The following MNS1 variants were observed in gnomAD, a reference collection of about 807,000 sequenced individuals.
The protein encoded by MNS1 is meiosis-specific nuclear structural protein 1.
A neutral mutation model predicts 72.0 loss-of-function variants in MNS1; 63 were observed. The ratio of observed to expected loss-of-function variants is 0.87; its 90% CI spans 0.71 to 1.08. The LOEUF is 1.08. Ranked by LOEUF, MNS1 falls within the 50% of genes least tolerant of loss-of-function variation. The pLI is 0.00. For missense variants in MNS1, 604 were observed against 562.4 expected (o/e 1.07, Z -0.75); for synonymous variants, 188 against 172.1 (o/e 1.09, Z -0.72).
At chr15:56,447,399 T>C (rs2050914016) in intron 3 of MNS1, 1 of 153,586 alleles carries the variant, frequency 6.5e-6, no homozygotes, top group Non-Finnish European at 1.5e-5. Context: ...AGTACTAATA[T>C]CTTTACATTA....
intron 9 of MNS1, chr15:56,429,736 CAAAATT>C (rs2050517601): frequency 6.6e-6 from 1 of 152,032 alleles, no homozygotes; most frequent in African/African-American, 2.4e-5. Flanking sequence ...CTCTTTAAAA[CAAAATT>C]AAATATTTAC....
At chr15:56,455,769 A>C (rs2050977987) in intron 3 of MNS1, among the ~76,000 whole-genome samples, 1 of 152,126 alleles carries the variant, frequency 6.6e-6, no homozygotes, top group Admixed American at 6.6e-5. Flanking sequence ...GAATACTAAT[A>C]ATTTAAACTG....
At chr15:56,460,009 A>ATACATAT (rs1555449667) in intron 2 of MNS1, among the ~76,000 whole-genome samples, 55 of 26,372 alleles carry the variant, frequency 2.1e-3, no homozygotes, top group East Asian at 0.014. Context: ...AAAAAAAAAA[A>ATACATAT]ATACATATAT....
At chr15:56,431,345 AT>A in intron 9 of MNS1, 27 bp downstream of exon 9, 1 of 1,607,036 alleles carries the variant, frequency 6.2e-7, no homozygotes, top group African/African-American at 1.3e-5. Context: ...GGTCATGAAG[AT>A]TACAACTTGA....
rs2140301516 is a variant in MNS1, at chr15:56,428,785, C to CACAG, written c.*312_*315dup. ...AAATCAAGTAAGTAAAGTTCGTAAA[C>CACAG]ACAGACAGAAGGCAGTTCACTTTGG... On this transcript the variant is annotated 3_prime_UTR_variant, in exon 10 of 10. Transcript: ENST00000260453. The CACAG allele has an allele frequency of 2.8e-6, 1 of 353,552 alleles. No homozygotes were observed. The highest frequency in any genetic ancestry group is 5.1e-5 in the East Asian group (1 of 19,550). The allele number at this position is 353,552 out of a possible 1,614,324, so 21.9% of individuals were successfully genotyped here. A position where few individuals can be genotyped will look rare whatever the true frequency, so the allele number is the denominator to read the frequency against.
chr15:56,446,118 G>A (rs924207342), intron 4 of MNS1: 1 of 151,930 alleles, frequency 6.6e-6, no homozygotes, highest in Non-Finnish European at 1.5e-5. Flanking sequence ...CACTGGTTAA[G>A]TATTTTGATA....
At position 56,428,793 on chromosome 15, in the gene MNS1, G is replaced by T; in HGVS notation, c.*308C>A. 2.8e-6 allele frequency: 1 copy of T among 355,954 alleles called. No individual in the cohort carries two copies. Among genetic ancestry groups the T allele is most frequent in the Non-Finnish European group, 5.0e-6 (1 of 198,792 alleles). The allele number at this position is 355,954 out of a possible 1,614,324, so 22.0% of individuals were successfully genotyped here. On this transcript the variant is annotated 3_prime_UTR_variant, in exon 10 of 10. Coordinates refer to ENST00000260453, the MANE Select transcript of MNS1 (RefSeq NM_018365.4). ...TAAGTAAAGTTCGTAAACACAGACA[G>T]AAGGCAGTTCACTTTGGGGTAGAGT...
At chr15:56,464,384 T>G in intron 1 of MNS1, 137 bp from the exon 2 acceptor site, 2 of 644,146 alleles carry the variant, frequency 3.1e-6, no homozygotes, top group Non-Finnish European at 5.3e-6. Context: ...GTATACCGAA[T>G]AAAAAGTAAA....
At chr15:56,453,596 A>G (rs1312257134) in intron 3 of MNS1, among the ~76,000 whole-genome samples, 1 of 143,848 alleles carries the variant, frequency 7.0e-6, no homozygotes, top group Non-Finnish European at 1.5e-5. Context: ...TTTTGCTTTC[A>G]TAACAGTATG....
intron 4 of MNS1, 101 bp downstream of exon 4, chr15:56,446,740 C>T: frequency 2.7e-6 from 2 of 753,502 alleles, no homozygotes; most frequent in Non-Finnish European, 4.2e-6. Context: ...AGAAATCTAG[C>T]AGTGTAAATT....
At chr15:56,438,671 G>T (rs1041502820) in intron 7 of MNS1, among the ~76,000 whole-genome samples, 2 of 152,104 alleles carry the variant, frequency 1.3e-5, no homozygotes, top group Admixed American at 6.5e-5. Context: ...AAGAGCTTCC[G>T]CACAGCAAAA....
intron 4 of MNS1, chr15:56,445,724 T>C (rs1164451623): frequency 2.6e-5 from 4 of 152,082 alleles, no homozygotes; most frequent in Non-Finnish European, 5.9e-5. Context: ...GCATGACACC[T>C]AGTCAAGTCC....
At chr15:56,461,660 CAAAAAAAA>C (rs11294380) in intron 2 of MNS1, among the ~76,000 whole-genome samples, 2 of 57,088 alleles carry the variant, frequency 3.5e-5, no homozygotes, top group Admixed American at 2.3e-4. Context: ...GACTCTGTCT[CAAAAAAAA>C]AAAAAAAAAA....
At chr15:56,448,084 A>G (rs1264868689) in intron 3 of MNS1, among the ~76,000 whole-genome samples, 1 of 152,178 alleles carries the variant, frequency 6.6e-6, no homozygotes, top group African/African-American at 2.4e-5. Flanking sequence ...GTATGTGGAT[A>G]TTGCAAATAA....
At chr15:56,459,806 C>T (rs1270809311) in intron 2 of MNS1, among the ~76,000 whole-genome samples, 5 of 150,214 alleles carry the variant, frequency 3.3e-5, no homozygotes, top group Non-Finnish European at 5.9e-5. Flanking sequence ...GCCTGACCAA[C>T]GTGGAGAAAC....
intron 2 of MNS1, among the ~76,000 whole-genome samples, chr15:56,457,297 T>A (rs2050987666): frequency 1.3e-5 from 2 of 152,186 alleles, no homozygotes; most frequent in African/African-American, 4.8e-5. Context: ...ATCTAGAGGC[T>A]TGATTAAATT....
At position 56,444,764 on chromosome 15, in the gene MNS1, G is replaced by T. The variant is rs968431246; in HGVS notation, c.457-91C>A. 4 of 1,114,188 alleles carry T rather than the reference G, an allele frequency of 3.6e-6. No individual in the cohort carries two copies. In the African/African-American group the frequency reaches 4.7e-5, roughly 13 times the overall value. The allele number at this position is 1,114,188 out of a possible 1,614,324, so 69.0% of individuals were successfully genotyped here. On this transcript the variant is annotated intron_variant, in intron 4 of 9. Transcript: ENST00000260453. ...CACCAATGTTATTGAATATTATAAA[G>T]TCTTTTACATAAAATAAATTTTTTC...
chr15:56,429,050 C>T lies in MNS1; in HGVS notation c.*51G>A, dbSNP rs2050469999. Reference sequence around the variant, plus strand: ...AACTGTAAAACAAAAGTTATGCTGACATCTAGTGGTAACATGCAAAAAATC... The same window carrying T: ...AACTGTAAAACAAAAGTTATGCTGATATCTAGTGGTAACATGCAAAAAATC... On this transcript the variant is annotated 3_prime_UTR_variant, in exon 10 of 10. Coordinates refer to ENST00000260453, the MANE Select transcript of MNS1 (RefSeq NM_018365.4). 10 of 1,180,190 alleles carry T rather than the reference C, an allele frequency of 8.5e-6. No individual in the cohort carries two copies. Among genetic ancestry groups the T allele is most frequent in the Middle Eastern group, 1.9e-4 (1 of 5,136 alleles). 73.1% of individuals were successfully genotyped at this position (1,180,190 alleles called of 1,614,324 possible). A position where few individuals can be genotyped will look rare whatever the true frequency, so the allele number is the denominator to read the frequency against.
intron 2 of MNS1, among the ~76,000 whole-genome samples, chr15:56,459,034 G>C (rs1343845601): frequency 6.6e-6 from 1 of 152,076 alleles, no homozygotes; most frequent in South Asian, 2.1e-4. Context: ...ATTTGTGTGT[G>C]GCATAAAATG....
Sources: allele counts gnomAD v4.1 joint callset (sites outside exome capture counted in the v4.1 genomes callset), GRCh38; gene constraint gnomAD v4.1.1; transcripts MANE v1.5; gene names NCBI Gene and HGNC (gene_info 2026-07-23, HGNC 2026-07-21).